Variants in FREM1 observed in about 807,000 individuals in gnomAD.
FREM1 encodes FRAS1-related extracellular matrix protein 1.
Under a neutral mutation model 210.1 loss-of-function variants are expected in FREM1, and 220 were observed. The observed-to-expected ratio is 1.05, with a 90% confidence interval of 0.94 to 1.17. The LOEUF (loss-of-function observed/expected upper bound fraction) is 1.17. FREM1 is among the 50% of genes most tolerant of loss of function. The probability of loss-of-function intolerance (pLI) is 0.00; values close to 1 mark genes in which losing one functional copy is unlikely to be tolerated. For synonymous variants in FREM1, 1,189 were observed against 980.2 expected (o/e 1.21, Z -3.98); for missense variants, 3,454 against 2,675.5 (o/e 1.29, Z -6.42).
At chr9:14,857,928 C>T (rs1318190840) in intron 4 of FREM1, among the ~76,000 whole-genome samples, 179 bp from the exon 5 acceptor site, 1 of 152,160 alleles carries the variant, frequency 6.6e-6, no homozygotes, top group Non-Finnish European at 1.5e-5. Context: ...GTTTCCTTTA[C>T]TGAAAAACGG....
At chr9:14,899,217 T>C (rs1838324127) in intron 1 of FREM1, among the ~76,000 whole-genome samples, 1 of 152,204 alleles carries the variant, frequency 6.6e-6, no homozygotes, top group South Asian at 2.1e-4. Flanking sequence ...CCCTGGTGGC[T>C]CACAGGCCAT....
Position 14,884,658 on chromosome 9 carries a change from T to C in FREM1, c.-267-15414A>G, listed in dbSNP as rs561371631. Among the ~76,000 whole-genome samples, 269 of 152,296 alleles carry C rather than the reference T, an allele frequency of 1.8e-3. 1 individual carries two copies. The highest frequency in any genetic ancestry group is 3.1e-3 in the South Asian group (15 of 4,822). On this transcript the variant is annotated intron_variant, in intron 1 of 36. Coordinates refer to ENST00000380880, the MANE Select transcript of FREM1 (RefSeq NM_001379081.2). The stretch of plus-strand genomic sequence containing the variant: ...TAACTATATGAGCATGTATTCTTCA[T>C]GTTGATATAAACATGATACTCCTGT...
chr9:14,811,600 G>A (rs1011376259), intron 16 of FREM1, among the ~76,000 whole-genome samples: 1 of 152,100 alleles, frequency 6.6e-6, no homozygotes, highest in East Asian at 1.9e-4. Flanking sequence ...CAGATAAGAG[G>A]ATAGAGAGAT....
intron 10 of FREM1, among the ~76,000 whole-genome samples, chr9:14,839,065 T>G (rs993740763): frequency 6.6e-6 from 1 of 152,162 alleles, no homozygotes; most frequent in African/African-American, 2.4e-5. Context: ...ATTAATGAGT[T>G]TTAATTTATC....
intron 1 of FREM1, among the ~76,000 whole-genome samples, chr9:14,908,071 A>C (rs1343646097): frequency 6.6e-6 from 1 of 152,152 alleles, no homozygotes; most frequent in African/African-American, 2.4e-5. Context: ...GGAATGAGGA[A>C]AGAAAAGAAA....
intron 17 of FREM1, among the ~76,000 whole-genome samples, chr9:14,807,423 C>T (rs763012972): frequency 3.3e-5 from 5 of 152,018 alleles, no homozygotes; most frequent in Non-Finnish European, 7.4e-5. Flanking sequence ...AACATTCATA[C>T]GTATGCTTAT....
chr9:14,776,139 C>G lies in FREM1; in HGVS notation c.4507G>C (p.Asp1503His), dbSNP rs1456333230. The G allele has an allele frequency of 6.3e-7, 1 of 1,578,794 alleles. No homozygotes were observed. Among genetic ancestry groups the G allele is most frequent in the South Asian group, 1.2e-5 (1 of 84,152 alleles). Residue 1503 changes from aspartate to histidine, a missense_variant, in exon 25 of 37, where the codon GAC (aspartate) becomes CAC (histidine). Physicochemically the swap from Asp to His is moderately conservative, Grantham distance 81. Coordinates refer to ENST00000380880, the MANE Select transcript of FREM1 (RefSeq NM_001379081.2). ...CTGGTTACCACAGGCAGGGCTCTGT[C>G]CACAGTCTCCAGTGTGATCTCAAAC... ...GVFEITLETV[D>H]RALPVVTRNK... is the part of the protein sequence containing the mutation.
intron 10 of FREM1, among the ~76,000 whole-genome samples, 179 bp from the exon 11 acceptor site, chr9:14,825,171 A>G (rs1204528566): frequency 1.3e-5 from 2 of 152,142 alleles, no homozygotes; most frequent in African/African-American, 4.8e-5. Flanking sequence ...TCCTCTACTC[A>G]TTTAATATTA....
At chr9:14,820,088 A>C (rs912566846) in intron 13 of FREM1, among the ~76,000 whole-genome samples, 21 of 152,252 alleles carry the variant, frequency 1.4e-4, no homozygotes, top group African/African-American at 4.3e-4. Context: ...TTTGTAAGTT[A>C]AAAGCAAGTT....
chr9:14,904,143 A>G (rs1487906455), intron 1 of FREM1, among the ~76,000 whole-genome samples: 2 of 150,754 alleles, frequency 1.3e-5, no homozygotes, highest in Non-Finnish European at 3.0e-5. Flanking sequence ...AAAAACACTT[A>G]GACATTTCTG....
chr9:14,809,751 G>A (rs1026562047), intron 16 of FREM1, among the ~76,000 whole-genome samples: 1 of 152,072 alleles, frequency 6.6e-6, no homozygotes, highest in Non-Finnish European at 1.5e-5. Context: ...CAGAGAAAAA[G>A]GCACACATTT....
intron 1 of FREM1, among the ~76,000 whole-genome samples, chr9:14,886,103 A>C (rs1835755483): frequency 6.6e-6 from 1 of 152,130 alleles, no homozygotes; most frequent in Non-Finnish European, 1.5e-5. Flanking sequence ...TAAGAAATAA[A>C]CTGCTGTGTG....
chr9:14,740,954 A>C (rs796643788), intron 35 of FREM1, among the ~76,000 whole-genome samples: 9 of 152,314 alleles, frequency 5.9e-5, no homozygotes, highest in African/African-American at 2.2e-4. Context: ...TTAAGTAAGA[A>C]GCCACTAAGT....
At chr9:14,822,412 C>A (rs1053365916) in intron 13 of FREM1, among the ~76,000 whole-genome samples, 1 of 152,064 alleles carries the variant, frequency 6.6e-6, no homozygotes, top group Non-Finnish European at 1.5e-5. Context: ...AGTAGGCACC[C>A]GGGAAAGTGA....
chr9:14,801,763 G>A lies in FREM1; in HGVS notation c.3583C>T (p.Leu1195Phe). 1 of 1,613,888 alleles carries A rather than the reference G, an allele frequency of 6.2e-7. No homozygotes were observed. The highest frequency in any genetic ancestry group is 8.5e-7 in the Non-Finnish European group (1 of 1,179,784). The change falls in exon 20 of 37, where the codon CTC becomes TTC. Residue 1195 changes from leucine to phenylalanine, a missense_variant. Coordinates refer to ENST00000380880, the MANE Select transcript of FREM1 (RefSeq NM_001379081.2). ...TTGCTAAACCCCCTATCGATGAGGA[G>A]GCCATGGCGTGGCTTTTGAGTGATG... is the stretch of plus-strand genomic sequence containing the variant. ...FSITQKPRHG[L>F]LIDRGFSKDF...
In FREM1 at chr9:14,819,293, T is replaced by A; in HGVS notation, c.2487A>T (p.Gly829=). The A allele has an allele frequency of 6.2e-7, 1 of 1,613,892 alleles. No individual in the cohort carries two copies. Among genetic ancestry groups the A allele is most frequent in the Non-Finnish European group, 8.5e-7 (1 of 1,179,858 alleles). ...ATGTGCCCCCTGAATTTAGAGGAAA[T>A]CCATTCAGCTCCACCCTTCCGTGCA... The part of the protein sequence containing the change: ...LPLHGRVELN[G]FPLNSGGTFS... The change falls in exon 14 of 37, where the codon GGA becomes GGT. Residue 829 remains glycine, a synonymous_variant. Coordinates refer to ENST00000380880, the MANE Select transcript of FREM1 (RefSeq NM_001379081.2).
Position 14,748,467 on chromosome 9 carries a change from G to T in FREM1, c.5730C>A (p.Thr1910=). 6.2e-7 allele frequency: 1 copy of T among 1,613,790 alleles called. No homozygotes were observed. The highest frequency in any genetic ancestry group is 8.5e-7 in the Non-Finnish European group (1 of 1,179,788). The part of the protein sequence containing the change: ...SMQLAVIRGD[T]LRGFDSTDLS... ...GATCTGTAGAATCAAAGCCCCGCAG[G>T]GTGTCTCCCCTGATGACTGCTAGCT... The change falls in exon 31 of 37, where the codon ACC becomes ACA. Residue 1910 remains threonine (T), a synonymous_variant. Coordinates refer to ENST00000380880, the MANE Select transcript of FREM1 (RefSeq NM_001379081.2).
intron 25 of FREM1, among the ~76,000 whole-genome samples, chr9:14,772,139 G>A (rs1324948500): frequency 6.6e-6 from 1 of 151,962 alleles, no homozygotes; most frequent in Non-Finnish European, 1.5e-5. Context: ...AACTCATGAT[G>A]ATAAATATGT....
In FREM1 at chr9:14,872,077, T is replaced by A. The variant is rs200515519; in HGVS notation, c.-267-2833A>T. Among the ~76,000 whole-genome samples, 121 of 152,126 alleles carry A rather than the reference T, an allele frequency of 8.0e-4. 2 individuals carry two copies. The South Asian group carries it at 0.019, about 24-fold the overall frequency. On this transcript the variant is annotated intron_variant, in intron 1 of 36. Transcript: ENST00000380880. ...GCTGTTTTGGTTACTGTAGCCTTGT[T>A]GTATAGTTTGAAGTCAGGTAGCGTG...
Sources: gnomAD v4.1 joint callset for allele counts (sites outside exome capture counted in the v4.1 genomes callset) on GRCh38, gnomAD v4.1.1 for gene constraint, MANE v1.5 for transcripts, NCBI Gene and HGNC (gene_info 2026-07-23, HGNC 2026-07-21) for gene names.